The following DSE variants were observed in gnomAD, a reference collection of about 807,000 sequenced individuals.
DSE encodes the protein dermatan-sulfate epimerase.
Under a neutral mutation model 84.4 loss-of-function variants are expected in DSE, and 36 were observed. The ratio of observed to expected loss-of-function variants is 0.43; its 90% CI spans 0.33 to 0.56. The LOEUF (loss-of-function observed/expected upper bound fraction) is 0.56, where lower values mean the gene tolerates loss of function less well. Among genes scored for constraint, DSE ranks in the 20% least tolerant of loss-of-function variants. The pLI, the probability that DSE is intolerant of heterozygous loss-of-function variation, is 0.06. For synonymous variants in DSE, 410 were observed against 430.1 expected (o/e 0.95, Z 0.58); for missense variants, 862 against 1,169.6 (o/e 0.74, Z 3.84).
intron 2 of DSE, among the ~76,000 whole-genome samples, chr6:116,342,055 C>A (rs1008209626): frequency 6.6e-6 from 1 of 152,074 alleles, no homozygotes; most frequent in Admixed American, 6.6e-5. Context: ...GAAATAGCTG[C>A]TTTTAAAAAT....
intron 2 of DSE, among the ~76,000 whole-genome samples, chr6:116,339,633 A>G (rs1237426860): frequency 6.6e-6 from 1 of 152,222 alleles, no homozygotes; most frequent in African/African-American, 2.4e-5. Flanking sequence ...CAAGTAATGA[A>G]AGCCTGAACT....
At chr6:116,310,023 G>C (rs1367044614) in intron 2 of DSE, among the ~76,000 whole-genome samples, 3 of 151,984 alleles carry the variant, frequency 2.0e-5, no homozygotes, top group African/African-American at 7.2e-5. Flanking sequence ...CCAACTATTA[G>C]AGTTTACTGA....
At chr6:116,298,487 T>G (rs1007659370) in intron 2 of DSE, among the ~76,000 whole-genome samples, 1 of 152,154 alleles carries the variant, frequency 6.6e-6, no homozygotes, top group Non-Finnish European at 1.5e-5. Flanking sequence ...ACGGGGCCAC[T>G]AGCCAAGGCA....
intron 1 of DSE, among the ~76,000 whole-genome samples, chr6:116,382,792 C>A (rs1481445429): frequency 2.0e-5 from 3 of 152,094 alleles, no homozygotes; most frequent in African/African-American, 7.2e-5. Context: ...TTTCCCCGCC[C>A]TACCCCCAGG....
At chr6:116,380,208 A>G (rs1780141148) in intron 1 of DSE, among the ~76,000 whole-genome samples, 1 of 152,114 alleles carries the variant, frequency 6.6e-6, no homozygotes, top group African/African-American at 2.4e-5. Context: ...ACATACTGAA[A>G]GGATTTAGTC....
intron 2 of DSE, among the ~76,000 whole-genome samples, chr6:116,260,335 T>C (rs1180398305): frequency 1.3e-5 from 2 of 152,126 alleles, no homozygotes; most frequent in African/African-American, 2.4e-5. Context: ...AATAGAGTTC[T>C]TTGTTTTTTC....
chr6:116,432,629 T>C (rs1185012274), intron 4 of DSE: 7 of 152,000 alleles, frequency 4.6e-5, no homozygotes, highest in Admixed American at 4.6e-4. Flanking sequence ...TTTTTTTTTT[T>C]CTACAGTTGA....
At chr6:116,276,071 T>C (rs1016345861) in intron 2 of DSE, among the ~76,000 whole-genome samples, 1 of 152,198 alleles carries the variant, frequency 6.6e-6, no homozygotes, top group Admixed American at 6.5e-5. Flanking sequence ...TTATGTTAAT[T>C]TTCTAGAACA....
chr6:116,331,375 AT>A (rs1247198779), intron 2 of DSE, among the ~76,000 whole-genome samples: 2 of 152,176 alleles, frequency 1.3e-5, no homozygotes, highest in Non-Finnish European at 2.9e-5. Flanking sequence ...CCTTCTTCAC[AT>A]GGTGACAGCA....
At chr6:116,268,983 T>G (rs951106277) in intron 2 of DSE, among the ~76,000 whole-genome samples, 4 of 151,726 alleles carry the variant, frequency 2.6e-5, no homozygotes, top group African/African-American at 9.7e-5. Flanking sequence ...CTCAGGCTAA[T>G]TATCTAGTTA....
chr6:116,387,280 G>A (rs1287760594), intron 1 of DSE, among the ~76,000 whole-genome samples: 2 of 152,054 alleles, frequency 1.3e-5, no homozygotes, highest in Non-Finnish European at 2.9e-5. Context: ...AAACTGCAGA[G>A]TAATGAAACA....
chr6:116,423,845 A>G (rs1300889079), intron 2 of DSE, among the ~76,000 whole-genome samples: 1 of 152,250 alleles, frequency 6.6e-6, no homozygotes, highest in Admixed American at 6.5e-5. Context: ...TTTTCTAATG[A>G]TATAGGGACA....
intron 1 of DSE, among the ~76,000 whole-genome samples, chr6:116,388,938 T>TTCTA (rs1780729052): frequency 6.6e-6 from 1 of 152,224 alleles, no homozygotes; most frequent in Non-Finnish European, 1.5e-5. Context: ...GCATCAAATA[T>TTCTA]TCTATATTTC....
intron 2 of DSE, among the ~76,000 whole-genome samples, chr6:116,335,315 G>A (rs1033092003): frequency 3.3e-5 from 5 of 152,150 alleles, no homozygotes; most frequent in African/African-American, 1.2e-4. Flanking sequence ...GTAAGTGGGA[G>A]CTAAATGATG....
At chr6:116,288,999 A>G (rs541640876) in intron 2 of DSE, among the ~76,000 whole-genome samples, 2 of 152,204 alleles carry the variant, frequency 1.3e-5, no homozygotes, top group South Asian at 4.1e-4. Flanking sequence ...ACTGGCTCAC[A>G]TAACATAAAA....
intron 2 of DSE, among the ~76,000 whole-genome samples, chr6:116,340,212 T>G (rs561121822): frequency 6.6e-6 from 1 of 152,290 alleles, no homozygotes; most frequent in East Asian, 1.9e-4. Flanking sequence ...TTTTTAAAAA[T>G]ATTTTTCTGT....
At chr6:116,320,290 C>T (rs1217369081) in intron 2 of DSE, among the ~76,000 whole-genome samples, 1 of 152,054 alleles carries the variant, frequency 6.6e-6, no homozygotes, top group Non-Finnish European at 1.5e-5. Flanking sequence ...AGAATGTGTT[C>T]CTGCTTAGTT....
intron 2 of DSE, among the ~76,000 whole-genome samples, chr6:116,269,370 T>A (rs975361306): frequency 6.6e-6 from 1 of 152,208 alleles, no homozygotes; most frequent in South Asian, 2.1e-4. Context: ...ATTATTTTTA[T>A]GCTAAGAATT....
intron 4 of DSE, 125 bp downstream of exon 4, chr6:116,431,318 T>TG: frequency 7.6e-7 from 1 of 1,318,502 alleles, no homozygotes; most frequent in South Asian, 1.6e-5. Flanking sequence ...TTAAATAGAT[T>TG]TTTTTAATCA....
Sources: gnomAD v4.1 joint callset for allele counts (sites outside exome capture counted in the v4.1 genomes callset) on GRCh38, gnomAD v4.1.1 for gene constraint, MANE v1.5 for transcripts, NCBI Gene and HGNC (gene_info 2026-07-23, HGNC 2026-07-21) for gene names.